TMEM170B: variants seen among roughly 807,000 people sequenced by gnomAD.
TMEM170B encodes transmembrane protein 170B.
A neutral mutation model predicts 13.0 loss-of-function variants in TMEM170B; 6 were observed. The observed-to-expected ratio is 0.46, with a 90% CI of 0.25 to 0.91. The LOEUF (loss-of-function observed/expected upper bound fraction) is 0.91, where lower values mean the gene tolerates loss of function less well. Ranked by LOEUF, TMEM170B falls within the 40% of genes least tolerant of loss-of-function variation. The pLI, the probability that TMEM170B is intolerant of heterozygous loss-of-function variation, is 0.17. For synonymous variants in TMEM170B, 61 were observed against 64.9 expected (o/e 0.94, Z 0.29); for missense variants, 138 against 165.2 (o/e 0.84, Z 0.90).
At chr6:11,546,075 C>CCATTCCAG (rs1354143854) in intron 1 of TMEM170B, among the ~76,000 whole-genome samples, 1 of 149,676 alleles carries the variant, frequency 6.7e-6, no homozygotes, top group Non-Finnish European at 1.5e-5. Flanking sequence ...CCTTCAGGAG[C>CCATTCCAG]CATTCCAGAA....
intron 1 of TMEM170B, among the ~76,000 whole-genome samples, chr6:11,547,467 C>T (rs915676707): frequency 6.6e-6 from 1 of 152,042 alleles, no homozygotes; most frequent in African/African-American, 2.4e-5. Context: ...TAAATGTGCC[C>T]TAAAGATATA....
At chr6:11,558,872 G>T (rs1016514267) in intron 1 of TMEM170B, among the ~76,000 whole-genome samples, 8 of 152,158 alleles carry the variant, frequency 5.3e-5, no homozygotes, top group Admixed American at 2.0e-4. Context: ...AAACTACCTT[G>T]ACTATAATTT....
At chr6:11,543,641 A>G (rs1759391888) in intron 1 of TMEM170B, among the ~76,000 whole-genome samples, 1 of 152,192 alleles carries the variant, frequency 6.6e-6, no homozygotes, top group Non-Finnish European at 1.5e-5. Context: ...TTTTTTCGTC[A>G]TCATAAACTT....
chr6:11,565,764 C>T lies in TMEM170B; in HGVS notation c.196C>T (p.Gln66Ter). 6.2e-7 allele frequency: 1 copy of T among 1,614,166 alleles called. No homozygotes were observed. The highest frequency in any genetic ancestry group is 8.5e-7 in the Non-Finnish European group (1 of 1,180,016). Reference sequence around the variant, plus strand: ...GTTTGTGATGCTGCAGAGGCATAGGCAGGGAAGAGTCATCTCTGTCATTGC... The same window carrying T: ...GTTTGTGATGCTGCAGAGGCATAGGTAGGGAAGAGTCATCTCTGTCATTGC... ...LMFVMLQRHR[Q>*]GRVISVIAVS... is the part of the protein sequence containing the mutation. Residue 66 changes from glutamine to a stop codon, truncating the protein, a stop_gained, in exon 2 of 3, where the codon CAG becomes TAG. Coordinates refer to ENST00000379426, the MANE Select transcript of TMEM170B (RefSeq NM_001100829.3). LOFTEE classifies it high-confidence loss of function.
rs1210551633 is a variant in TMEM170B at position 11,545,280 on chromosome 6, C to CTGTGTGTGTG, written c.97+6928_97+6937dup. Among the ~76,000 whole-genome samples the CTGTGTGTGTG allele has an allele frequency of 4.1e-3, 569 of 139,802 alleles. 1 individual carries two copies. The highest frequency in any genetic ancestry group is 8.6e-3 in the African/African-American group (321 of 37,368). The allele number at this position is 139,802 out of a possible 152,430, so 91.7% of individuals were successfully genotyped here. A position where few individuals can be genotyped will look rare whatever the true frequency, so the allele number is the denominator to read the frequency against. ...TTAAAAGGCTTCTCTCTCTCTCTCT[C>CTGTGTGTGTG]TGTGTGTGTGTGTGTGTGTGTGTGT... is the stretch of plus-strand genomic sequence containing the variant. On this transcript the variant is annotated intron_variant, in intron 1 of 2. Coordinates refer to ENST00000379426, the MANE Select transcript of TMEM170B (RefSeq NM_001100829.3).
At chr6:11,549,305 A>T (rs980251408) in intron 1 of TMEM170B, among the ~76,000 whole-genome samples, 2 of 150,524 alleles carry the variant, frequency 1.3e-5, no homozygotes, top group Non-Finnish European at 3.0e-5. Context: ...TTTTTATTTT[A>T]AATGACTAAC....
rs556112200 is a variant in TMEM170B, at chr6:11,575,691, C to T, written c.*130C>T. The T allele has an allele frequency of 5.6e-5, 64 of 1,144,792 alleles. No individual in the cohort carries two copies. In the South Asian group the frequency reaches 8.5e-4, roughly 15 times the overall value. The allele number at this position is 1,144,792 out of a possible 1,614,324, so 70.9% of individuals were successfully genotyped here. ...TGAGCAGGTCAAAGCATAAGGAAGA[C>T]CTTGAGCTGTGTGGAAGGATTGCCC... On this transcript the variant is annotated 3_prime_UTR_variant, in exon 3 of 3. Coordinates refer to ENST00000379426, the MANE Select transcript of TMEM170B (RefSeq NM_001100829.3). The surrounding 1 kb of genome is among the most constrained non-coding windows in gnomAD (Gnocchi z 4.1).
chr6:11,570,685 A>G (rs910432579), intron 2 of TMEM170B, among the ~76,000 whole-genome samples: 1 of 152,200 alleles, frequency 6.6e-6, no homozygotes, highest in African/African-American at 2.4e-5. Context: ...CAACTAGTTC[A>G]TATTTGATCC....
chr6:11,560,011 C>G (rs1052065899), intron 1 of TMEM170B, among the ~76,000 whole-genome samples: 1 of 151,588 alleles, frequency 6.6e-6, no homozygotes, highest in African/African-American at 2.4e-5. Flanking sequence ...TAATGACTTT[C>G]GGAGTTTTAA....
chr6:11,561,450 C>A (rs1759664484), intron 1 of TMEM170B, among the ~76,000 whole-genome samples: 1 of 152,156 alleles, frequency 6.6e-6, no homozygotes, highest in South Asian at 2.1e-4. Flanking sequence ...TGGGCATCTG[C>A]TTTTGCTCTA....
chr6:11,559,568 C>T (rs1011307791), intron 1 of TMEM170B, among the ~76,000 whole-genome samples: 2 of 152,194 alleles, frequency 1.3e-5, no homozygotes, highest in Non-Finnish European at 2.9e-5. Flanking sequence ...AGATGTGACT[C>T]ATGGGCTATA....
intron 1 of TMEM170B, 32 bp downstream of exon 1, chr6:11,538,406 T>G (rs959647581): frequency 2.1e-6 from 3 of 1,443,658 alleles, no homozygotes; most frequent in Non-Finnish European, 2.8e-6. Context: ...GGGACGGGGA[T>G]GCGGTCCGCC....
rs977808050 is a variant in TMEM170B at position 11,538,451 on chromosome 6, C to A, written c.97+77C>A. On this transcript the variant is annotated intron_variant, in intron 1 of 2. Coordinates refer to ENST00000379426, the MANE Select transcript of TMEM170B (RefSeq NM_001100829.3). ...TCTTCTCCTTCCTCGGGAGGGGACA[C>A]GCTCCTCGCCGCCCCACCCCCGTGC... 51 of 1,090,544 alleles carry A rather than the reference C, an allele frequency of 4.7e-5. 1 individual carries two copies. The South Asian group carries it at 6.1e-4, about 13-fold the overall frequency. 67.6% of individuals were successfully genotyped at this position (1,090,544 alleles called of 1,614,324 possible).
At chr6:11,558,679 A>G (rs139458339) in intron 1 of TMEM170B, among the ~76,000 whole-genome samples, 1,592 of 152,292 alleles carry the variant, frequency 0.01, 10 homozygotes, top group Middle Eastern at 0.02. Flanking sequence ...AATTTTTTAA[A>G]AATTCACGTG....
At chr6:11,567,811 G>A (rs749519127) in intron 2 of TMEM170B, among the ~76,000 whole-genome samples, 8 of 152,170 alleles carry the variant, frequency 5.3e-5, no homozygotes, top group Non-Finnish European at 1.0e-4. Flanking sequence ...AGATAGAACC[G>A]AGCCAGATTC....
intron 1 of TMEM170B, among the ~76,000 whole-genome samples, chr6:11,544,537 A>G (rs551887735): frequency 1.3e-5 from 2 of 152,336 alleles, no homozygotes; most frequent in East Asian, 3.9e-4. Context: ...TTAAGTTGCC[A>G]TTGCCCTTGT....
At chr6:11,544,264 A>G (rs1382187989) in intron 1 of TMEM170B, among the ~76,000 whole-genome samples, 1 of 152,180 alleles carries the variant, frequency 6.6e-6, no homozygotes, top group South Asian at 2.1e-4. Context: ...GCAACATGAC[A>G]CTCAAAGGAA....
chr6:11,560,313 C>T (rs965379251), intron 1 of TMEM170B, among the ~76,000 whole-genome samples: 1 of 146,906 alleles, frequency 6.8e-6, no homozygotes, highest in African/African-American at 2.5e-5. Context: ...TACAGGTGCC[C>T]GCCACCACGC....
intron 1 of TMEM170B, among the ~76,000 whole-genome samples, chr6:11,556,214 G>T (rs1175744931): frequency 1.3e-5 from 2 of 152,124 alleles, no homozygotes. Flanking sequence ...GTCTGGAGAT[G>T]GTCTGTTGCT....
Sources: gnomAD v4.1 joint callset for allele counts (sites outside exome capture counted in the v4.1 genomes callset) on GRCh38, gnomAD v4.1.1 for gene constraint, Gnocchi (gnomAD v3.1) non-coding constraint, MANE v1.5 for transcripts, NCBI Gene and HGNC (gene_info 2026-07-23, HGNC 2026-07-21) for gene names.